Variants in ORMDL1 observed in about 807,000 individuals in gnomAD.
ORMDL1 encodes the protein ORMDL sphingolipid biosynthesis regulator 1.
A neutral mutation model predicts 13.0 loss-of-function variants in ORMDL1; 10 were observed. That is an observed-to-expected ratio of 0.77 (90% CI 0.47 to 1.30). ORMDL1 has a LOEUF of 1.30. ORMDL1 is among the 50% of genes most tolerant of loss of function. The pLI is 0.00. For synonymous variants in ORMDL1, 61 were observed against 63.9 expected (o/e 0.95, Z 0.22); for missense variants, 171 against 186.7 (o/e 0.92, Z 0.49).
At chr2:189,782,281 A>G in intron 3 of ORMDL1, 141 bp downstream of exon 3, 1 of 642,044 alleles carries the variant, frequency 1.6e-6, no homozygotes, top group East Asian at 2.8e-5. Context: ...ATTACCATCC[A>G]CATCCAGAAC....
intron 4 of ORMDL1, chr2:189,775,122 T>TGAGTGTA: frequency 6.5e-6 from 1 of 153,632 alleles, no homozygotes; most frequent in Non-Finnish European, 1.4e-5. Flanking sequence ...AATGAAAGCC[T>TGAGTGTA]GACCTACTTT....
intron 3 of ORMDL1, chr2:189,778,054 C>A: frequency 5.2e-6 from 2 of 381,270 alleles, no homozygotes; most frequent in South Asian, 2.0e-5. Flanking sequence ...TGTCAATTAC[C>A]AATCATTTGT....
intron 1 of ORMDL1, 183 bp downstream of exon 1, chr2:189,784,086 G>A (rs1559194793): frequency 6.6e-6 from 1 of 152,398 alleles, no homozygotes; most frequent in East Asian, 1.9e-4. Flanking sequence ...CAGGACCCTG[G>A]CAAGACAACG....
chr2:189,776,569 G>A (rs542915720), intron 3 of ORMDL1, among the ~76,000 whole-genome samples: 3 of 152,090 alleles, frequency 2.0e-5, no homozygotes, highest in South Asian at 4.2e-4. Flanking sequence ...CCTTCTAGAC[G>A]CCACAATGTG....
downstream of ORMDL1, among the ~76,000 whole-genome samples, chr2:189,768,732 G>T (rs940634398): frequency 6.6e-6 from 1 of 152,240 alleles, no homozygotes; most frequent in East Asian, 1.9e-4. Context: ...CAGAACAGGG[G>T]AAGTGGTACT....
At chr2:189,775,351 A>T in intron 4 of ORMDL1, 4 of 472,100 alleles carry the variant, frequency 8.5e-6, no homozygotes, top group Non-Finnish European at 1.5e-5. Flanking sequence ...ACTGATTAGC[A>T]TGTAATATTG....
Position 189,771,914 on chromosome 2 carries a change from A to T in ORMDL1, c.327-12T>A. The T allele has an allele frequency of 6.4e-7, 1 of 1,552,810 alleles. No individual in the cohort carries two copies. The highest frequency in any genetic ancestry group is 8.8e-7 in the Non-Finnish European group (1 of 1,142,544). On this transcript the variant is annotated splice_polypyrimidine_tract_variant and intron_variant, in intron 4 of 4. Coordinates refer to ENST00000392349, the MANE Select transcript of ORMDL1 (RefSeq NM_016467.5). ...TTGCCAGAAAATATCTGTAGAGATA[A>T]AAGTTAAGAATATATATAACATCCA...
chr2:189,778,053 C>T (rs2047736614), intron 3 of ORMDL1: 2 of 381,940 alleles, frequency 5.2e-6, no homozygotes, highest in South Asian at 3.9e-5. Flanking sequence ...ATGTCAATTA[C>T]CAATCATTTG....
intron 3 of ORMDL1, among the ~76,000 whole-genome samples, chr2:189,781,592 A>G (rs890923888): frequency 6.6e-6 from 1 of 152,148 alleles, no homozygotes; most frequent in Non-Finnish European, 1.5e-5. Context: ...GAAACAGTGA[A>G]GTATACTTAC....
downstream of ORMDL1, among the ~76,000 whole-genome samples, chr2:189,766,428 A>G (rs538998679): frequency 1.7e-4 from 26 of 152,290 alleles, no homozygotes; most frequent in Admixed American, 5.2e-4. Flanking sequence ...TTCTGTACCC[A>G]TTAAACAATA....
chr2:189,766,918 T>G (rs1559185047), downstream of ORMDL1, among the ~76,000 whole-genome samples: 1 of 152,218 alleles, frequency 6.6e-6, no homozygotes, highest in African/African-American at 2.4e-5. Flanking sequence ...ATCCAAGATG[T>G]AATATATATC....
At chr2:189,776,554 T>C (rs554763752) in intron 3 of ORMDL1, among the ~76,000 whole-genome samples, 17 of 152,158 alleles carry the variant, frequency 1.1e-4, no homozygotes, top group Non-Finnish European at 2.2e-4. Context: ...TGACACAAAG[T>C]TTTTCCTTCT....
rs1323677494 is a variant in ORMDL1, at chr2:189,775,680, G to T, written c.211C>A (p.Pro71Thr). 6.2e-6 allele frequency: 10 copies of T among 1,613,720 alleles called. No homozygotes were observed. Among genetic ancestry groups the T allele is most frequent in the Non-Finnish European group, 8.5e-6 (10 of 1,179,834 alleles). Residue 71 changes from proline (P) to threonine (T), a missense_variant, in exon 4 of 5, where the codon CCT becomes ACT. Transcript: ENST00000392349. ...YVFLHAVKGT[P>T]FETPDQGKAR... ...TTACCCTGGTCAGGAGTTTCGAAAG[G>T]TGTTCCTTTCACTGCATGCAAAAAT...
chr2:189,765,882 AT>A (rs57215084), downstream of ORMDL1, among the ~76,000 whole-genome samples: 141,816 of 144,426 alleles, frequency 0.98, 69,686 homozygotes, highest in South Asian at 1. Context: ...CTGGATTGCA[AT>A]TGGTGTGAGG....
intron 4 of ORMDL1, 52 bp downstream of exon 4, chr2:189,775,513 A>G (rs757727098): frequency 3.4e-6 from 5 of 1,486,634 alleles, no homozygotes; most frequent in African/African-American, 2.9e-5. Context: ...TGATGAAAAG[A>G]TATCTTCCTC....
At position 189,770,405 on chromosome 2, in the gene ORMDL1, G is replaced by A. The variant is rs542344222; in HGVS notation, c.*1362C>T. 6 of 152,092 alleles carry A rather than the reference G, an allele frequency of 3.9e-5. No homozygotes were observed. The highest frequency in any genetic ancestry group is 1.4e-4 in the African/African-American group (6 of 41,470). The allele number at this position is 152,092 out of a possible 1,614,324, so 9.4% of individuals were successfully genotyped here. On this transcript the variant is annotated 3_prime_UTR_variant, in exon 5 of 5. Coordinates refer to ENST00000392349, the MANE Select transcript of ORMDL1 (RefSeq NM_016467.5). ...ACACGGGAAAAGACAGACATACAAA[G>A]GTAGTATCATACAACTGATTTCTAA...
At position 189,770,885 on chromosome 2, in the gene ORMDL1, T is replaced by G. The variant is rs1191892321; in HGVS notation, c.*882A>C. 1.3e-5 allele frequency: 2 copies of G among 152,252 alleles called. No homozygotes were observed. The highest frequency in any genetic ancestry group is 2.9e-5 in the Non-Finnish European group (2 of 68,050). 9.4% of individuals were successfully genotyped at this position (152,252 alleles called of 1,614,324 possible). A position where few individuals can be genotyped will look rare whatever the true frequency, so the allele number is the denominator to read the frequency against. ...ACGTTGTTTCTGCCAGACCACAGGT[T>G]GGCTATATGGTTGTTCCTTTTATAT... On this transcript the variant is annotated 3_prime_UTR_variant, in exon 5 of 5. Coordinates refer to ENST00000392349, the MANE Select transcript of ORMDL1 (RefSeq NM_016467.5).
chr2:189,768,544 GA>G (rs1430835657), downstream of ORMDL1, among the ~76,000 whole-genome samples: 1 of 152,212 alleles, frequency 6.6e-6, no homozygotes, highest in Non-Finnish European at 1.5e-5. Flanking sequence ...AGTTCTATAG[GA>G]AAAATGTCTT....
intron 3 of ORMDL1, among the ~76,000 whole-genome samples, chr2:189,779,293 A>G (rs1308225951): frequency 6.6e-6 from 1 of 152,188 alleles, no homozygotes; most frequent in Non-Finnish European, 1.5e-5. Context: ...CCTGGGCAAC[A>G]TAGTGAGAGC....
Sources: gnomAD v4.1 joint callset for allele counts (sites outside exome capture counted in the v4.1 genomes callset) on GRCh38, gnomAD v4.1.1 for gene constraint, MANE v1.5 for transcripts, NCBI Gene and HGNC (gene_info 2026-07-23, HGNC 2026-07-21) for gene names.